PCDH15: variants seen among roughly 807,000 people sequenced by gnomAD.
PCDH15 encodes the protein protocadherin related 15.
PCDH15 carries 129 observed loss-of-function variants against 178.5 expected under a neutral mutation model. That is an observed-to-expected ratio of 0.72 (90% confidence interval 0.63 to 0.84). The LOEUF (loss-of-function observed/expected upper bound fraction) is 0.84, where lower values mean the gene tolerates loss of function less well. PCDH15 is among the 40% of genes least tolerant of loss of function. PCDH15 has a pLI of 0.00. For missense variants in PCDH15, 2,230 were observed against 2,099.9 expected, an observed-to-expected ratio of 1.06 and a Z score of -1.21; for synonymous variants, 800 against 732.0, an observed-to-expected ratio of 1.09 and a Z score of -1.50.
chr10:54,642,356 T>C (rs2094010690), intron 2 of PCDH15, among the ~76,000 whole-genome samples: 1 of 152,212 alleles, frequency 6.6e-6, no homozygotes, highest in South Asian at 2.1e-4. Context: ...AGCAACTGTC[T>C]ATATCAATTT....
At chr10:54,937,585 T>C (rs1837939750) in intron 2 of PCDH15, among the ~76,000 whole-genome samples, 1 of 151,990 alleles carries the variant, frequency 6.6e-6, no homozygotes, top group South Asian at 2.1e-4. Context: ...TTATTGTAAA[T>C]GTAATTAATC....
chr10:54,575,466 A>G (rs1276901525), intron 2 of PCDH15, among the ~76,000 whole-genome samples: 2 of 152,174 alleles, frequency 1.3e-5, no homozygotes, highest in African/African-American at 4.8e-5. Context: ...TTATAATTTT[A>G]GAATATGAGA....
At chr10:54,980,201 T>G (rs1261767962) in intron 2 of PCDH15, among the ~76,000 whole-genome samples, 1 of 152,184 alleles carries the variant, frequency 6.6e-6, no homozygotes, top group Non-Finnish European at 1.5e-5. Flanking sequence ...AATGGAATAC[T>G]AGGCATAATT....
chr10:54,621,896 G>A (rs1425179877), intron 2 of PCDH15, among the ~76,000 whole-genome samples: 1 of 152,032 alleles, frequency 6.6e-6, no homozygotes, highest in African/African-American at 2.4e-5. Context: ...TTAGAGAAAG[G>A]GTGATTGGTT....
chr10:54,328,319 A>T (rs1184658079), intron 7 of PCDH15, among the ~76,000 whole-genome samples: 1 of 151,904 alleles, frequency 6.6e-6, no homozygotes, highest in Non-Finnish European at 1.5e-5. Flanking sequence ...TTTATGCCTC[A>T]TTTCTTAACG....
chr10:55,467,427 T>A (rs1839854330), intron 2 of PCDH15, among the ~76,000 whole-genome samples: 1 of 151,886 alleles, frequency 6.6e-6, no homozygotes, highest in Non-Finnish European at 1.5e-5. Context: ...AGATTTATTC[T>A]TTTAATGATT....
intron 3 of PCDH15, among the ~76,000 whole-genome samples, chr10:54,809,149 G>T (rs974816743): frequency 6.6e-6 from 1 of 152,054 alleles, no homozygotes; most frequent in African/African-American, 2.4e-5. Flanking sequence ...AGGGTATCTT[G>T]CTCTATCATG....
chr10:54,681,666 G>T (rs1483867643), intron 1 of PCDH15, among the ~76,000 whole-genome samples: 1 of 152,100 alleles, frequency 6.6e-6, no homozygotes, highest in African/African-American at 2.4e-5. Context: ...AGGTTTTCAA[G>T]AAAATAGAGT....
chr10:54,081,905 C>A (rs369760524), intron 16 of PCDH15, among the ~76,000 whole-genome samples: 1 of 152,072 alleles, frequency 6.6e-6, no homozygotes, highest in East Asian at 1.9e-4. Flanking sequence ...TAAGCAGGGA[C>A]CTTCAACAGC....
intron 1 of PCDH15, among the ~76,000 whole-genome samples, chr10:54,678,305 G>GT (rs1396762959): frequency 1.1e-4 from 17 of 152,072 alleles, no homozygotes; most frequent in Non-Finnish European, 5.9e-5. Context: ...TTTAAATTTT[G>GT]TAATCATGTG....
chr10:55,399,073 A>G (rs1837999093), intron 2 of PCDH15, among the ~76,000 whole-genome samples: 1 of 152,266 alleles, frequency 6.6e-6, no homozygotes, highest in South Asian at 2.1e-4. Flanking sequence ...AATGATTTTA[A>G]TTTTAATTTT....
intron 2 of PCDH15, among the ~76,000 whole-genome samples, chr10:55,432,599 C>T (rs1274568327): frequency 6.6e-6 from 1 of 152,026 alleles, no homozygotes; most frequent in Non-Finnish European, 1.5e-5. Flanking sequence ...TATGAAGAGA[C>T]ATTTCAGAGT....
chr10:54,261,507 G>A (rs571341484), intron 8 of PCDH15, among the ~76,000 whole-genome samples: 1 of 152,062 alleles, frequency 6.6e-6, no homozygotes, highest in Admixed American at 6.5e-5. Flanking sequence ...AAAAAAAAAT[G>A]TTTAGGTTCA....
At chr10:55,201,898 C>A (rs1346714658) in intron 1 of PCDH15, among the ~76,000 whole-genome samples, 2 of 152,012 alleles carry the variant, frequency 1.3e-5, no homozygotes, top group Admixed American at 1.3e-4. Context: ...TAATAAAAGG[C>A]CAGTTTTTCT....
At chr10:54,485,867 T>C (rs2079064968) in intron 3 of PCDH15, among the ~76,000 whole-genome samples, 1 of 152,078 alleles carries the variant, frequency 6.6e-6, no homozygotes, top group African/African-American at 2.4e-5. Context: ...AGAACTTGAA[T>C]AAATTCTTTA....
At chr10:54,519,551 T>G (rs532544854) in intron 3 of PCDH15, among the ~76,000 whole-genome samples, 15 of 151,048 alleles carry the variant, frequency 9.9e-5, no homozygotes, top group Admixed American at 1.3e-4. Flanking sequence ...CACTGCTCAA[T>G]GAAATAAAAG....
intron 2 of PCDH15, among the ~76,000 whole-genome samples, chr10:55,343,432 C>T (rs1844657884): frequency 6.6e-6 from 1 of 152,048 alleles, no homozygotes; most frequent in African/African-American, 2.4e-5. Context: ...CTATTCTCTG[C>T]CCTCTACCAA....
intron 2 of PCDH15, among the ~76,000 whole-genome samples, chr10:54,914,422 T>C (rs899449177): frequency 4.6e-5 from 7 of 152,188 alleles, no homozygotes; most frequent in African/African-American, 1.7e-4. Context: ...AAATTATTTA[T>C]GTCAAAATGA....
rs536934178 is a variant in PCDH15 at position 54,618,174 on chromosome 10, A to G, written c.91+45998T>C. Among the ~76,000 whole-genome samples, 7 of 152,232 alleles carry G rather than the reference A, an allele frequency of 4.6e-5. No individual in the cohort carries two copies. The East Asian group carries it at 1.4e-3, about 29-fold the overall frequency. ...ACCTCCTGTTTTCTATAGACAAAGT[A>G]TGTAGATTAAGTACATGAGTATTTG... On this transcript the variant is annotated intron_variant, in intron 2 of 37. Transcript: ENST00000644397.
Sources: gnomAD v4.1 joint callset for allele counts (sites outside exome capture counted in the v4.1 genomes callset) on GRCh38, gnomAD v4.1.1 for gene constraint, MANE v1.5 for transcripts, NCBI Gene and HGNC (gene_info 2026-07-23, HGNC 2026-07-21) for gene names.